Variants in COL5A1 observed in about 807,000 individuals in gnomAD.
COL5A1 encodes collagen alpha-1(V) chain.
A neutral mutation model predicts 263.7 loss-of-function variants in COL5A1; 16 were observed. The observed-to-expected ratio is 0.06, with a 90% confidence interval of 0.04 to 0.09. The LOEUF (loss-of-function observed/expected upper bound fraction) is 0.09, where lower values mean the gene tolerates loss of function less well. Among genes scored for constraint, COL5A1 ranks in the 10% least tolerant of loss-of-function variants. COL5A1 has a pLI of 1.00. For synonymous variants in COL5A1, 1,012 were observed against 1,004.5 expected (o/e 1.01, Z -0.14); for missense variants, 2,036 against 2,540.5 (o/e 0.80, Z 4.27).
intron 9 of COL5A1, 99 bp downstream of exon 9, chr9:134,732,226 C>T (rs979879050): frequency 4.0e-6 from 5 of 1,261,354 alleles, no homozygotes; most frequent in Non-Finnish European, 5.8e-6. Context: ...GGCCCCTGCA[C>T]CTGCGCGCAC....
intron 9 of COL5A1, 191 bp downstream of exon 9, chr9:134,732,318 A>AGG (rs1834918691): frequency 7.4e-6 from 5 of 679,680 alleles, no homozygotes; most frequent in Admixed American, 4.1e-5. Context: ...CCCCTTGGGT[A>AGG]GGGGATGTTC....
In COL5A1 at chr9:134,758,528, G is replaced by T. The variant is rs1012023507; in HGVS notation, c.1935+232G>T. Among the ~76,000 whole-genome samples, 2 of 152,164 alleles carry T rather than the reference G, an allele frequency of 1.3e-5. No homozygotes were observed. The highest frequency in any genetic ancestry group is 4.1e-4 in the South Asian group (2 of 4,830). ...ATTGGAGCTCTTATCTACAGTTTGT[G>T]ACAAGTGAGCCAGATGGGCCTACCC... On this transcript the variant is annotated intron_variant, in intron 18 of 65. Coordinates refer to ENST00000371817, the MANE Select transcript of COL5A1 (RefSeq NM_000093.5). This position sits in a 1 kb window ranked among gnomAD's most constrained non-coding sequence, Gnocchi z 4.1.
chr9:134,785,166 C>A, intron 30 of COL5A1, 70 bp downstream of exon 30: 3 of 1,302,420 alleles, frequency 2.3e-6, no homozygotes, highest in Non-Finnish European at 3.3e-6. Flanking sequence ...TGGCCTCGGG[C>A]TCCCGTTGGC....
At position 134,731,654 on chromosome 9, in the gene COL5A1, C is replaced by A. The variant is rs759729272; in HGVS notation, c.1323C>A (p.Ile441=). The A allele has an allele frequency of 6.2e-7, 1 of 1,613,272 alleles. No homozygotes were observed. Among genetic ancestry groups the A allele is most frequent in the South Asian group, 1.1e-5 (1 of 91,070 alleles). ...GAATGCCGGCGAACCAGGATACCAT[C>A]TATGAAGGGGTGAGAGGGTGCAGGC... ...GPGMPANQDT[I]YEGIGGPRGE... Residue 441 remains isoleucine (I), a synonymous_variant, in exon 8 of 66, where the codon ATC becomes ATA. Transcript: ENST00000371817.
At chr9:134,717,469 A>G (rs1336243828) in intron 4 of COL5A1, among the ~76,000 whole-genome samples, 2 of 152,244 alleles carry the variant, frequency 1.3e-5, no homozygotes, top group Non-Finnish European at 2.9e-5. Context: ...TCACTCAGCC[A>G]GCAAGGGGCA....
chr9:134,797,029 G>A (rs1181856633), intron 36 of COL5A1, 128 bp downstream of exon 36: 5 of 1,020,332 alleles, frequency 4.9e-6, no homozygotes, highest in Non-Finnish European at 7.6e-6. Context: ...TGGGTGGAGG[G>A]AGGCCCGAGG....
intron 1 of COL5A1, among the ~76,000 whole-genome samples, chr9:134,661,162 TG>T (rs1449518194): frequency 6.7e-6 from 1 of 150,100 alleles, no homozygotes; most frequent in East Asian, 2.0e-4. Context: ...TAGGGTGGCC[TG>T]GGGAGTTTGG....
At chr9:134,835,290 A>G (rs1247768948) in intron 65 of COL5A1, 86 bp downstream of exon 65, 1 of 1,257,024 alleles carries the variant, frequency 8.0e-7, no homozygotes, top group Non-Finnish European at 1.1e-6. Context: ...CCTGTCCCCA[A>G]GATGCCTGCC....
intron 4 of COL5A1, among the ~76,000 whole-genome samples, chr9:134,717,846 C>T (rs1034130334): frequency 3.3e-5 from 5 of 151,560 alleles, no homozygotes; most frequent in Admixed American, 6.6e-5. Context: ...GACCCTGTTT[C>T]GGTTGGACGA....
chr9:134,811,243 ATGCATCAGTCCC>A, intron 44 of COL5A1, 84 bp from the exon 45 acceptor site: 1 of 1,056,684 alleles, frequency 9.5e-7, no homozygotes, highest in East Asian at 2.4e-5. Context: ...ACGACGTTGG[ATGCATCAGTCCC>A]CGGGCTCAGG....
rs765189446 is a variant in COL5A1 at position 134,796,898 on chromosome 9, C to G, written c.2895C>G (p.Pro965=). 2.5e-5 allele frequency: 41 copies of G among 1,613,762 alleles called. No individual in the cohort carries two copies. The highest frequency in any genetic ancestry group is 3.3e-5 in the Non-Finnish European group (39 of 1,179,902). The change falls in exon 36 of 66, where the codon CCC becomes CCG. Residue 965 remains proline, a synonymous_variant. Coordinates refer to ENST00000371817, the MANE Select transcript of COL5A1 (RefSeq NM_000093.5). The part of the protein sequence containing the change: ...GPTGFPGPKG[P]PGPPGKDGLP... ...CAGGATTTCCTGGACCAAAGGGCCC[C>G]CCTGTAAGTAATGGCTTCCTTGCTG...
chr9:134,757,185 T>TGTG lies in COL5A1; in HGVS notation c.1881+369_1881+371dup, dbSNP rs1261516476. 7.2e-5 allele frequency among the ~76,000 whole-genome samples: 11 copies of TGTG among 152,022 alleles called. No individual in the cohort carries two copies. The highest frequency in any genetic ancestry group is 1.9e-4 in the African/African-American group (8 of 41,462). On this transcript the variant is annotated intron_variant, in intron 17 of 65. Coordinates refer to ENST00000371817, the MANE Select transcript of COL5A1 (RefSeq NM_000093.5). This position sits in a 1 kb window ranked among gnomAD's most constrained non-coding sequence, Gnocchi z 6.2. ...TTGTCCAGTCGGGACTCCTGGGTGT[T>TGTG]GTGGAGGTGAGTAGATGTTGCCCGT...
rs759246946 is a variant in COL5A1, at chr9:134,834,962, T to TC, written c.5137-3dup. 12 of 1,604,664 alleles carry TC rather than the reference T, an allele frequency of 7.5e-6. No homozygotes were observed. The South Asian group carries it at 7.7e-5, about 10-fold the overall frequency. ...ACCCTGCTGAGCCCCAACACCCCTG[T>TC]CCCCCCAGCTCTCCTATGTGGACGC... On this transcript the variant is annotated splice_polypyrimidine_tract_variant and intron_variant, in intron 64 of 65. Coordinates refer to ENST00000371817, the MANE Select transcript of COL5A1 (RefSeq NM_000093.5).
At chr9:134,763,774 G>T (rs947783940) in intron 20 of COL5A1, 37 bp downstream of exon 20, 3 of 1,603,166 alleles carry the variant, frequency 1.9e-6, no homozygotes. Context: ...TGGGGGCTCA[G>T]TGTGGAGAAA....
chr9:134,721,559 GT>G (rs998836286), intron 4 of COL5A1, among the ~76,000 whole-genome samples: 6 of 152,172 alleles, frequency 3.9e-5, no homozygotes, highest in African/African-American at 1.4e-4. Flanking sequence ...GGCCCCAGGG[GT>G]GGCCCAGGGC....
intron 39 of COL5A1, 57 bp downstream of exon 39, chr9:134,803,052 G>C (rs1474123458): frequency 2.8e-6 from 4 of 1,421,914 alleles, no homozygotes; most frequent in African/African-American, 1.4e-5. Context: ...ATCATTTTGG[G>C]ACTTTGTGTT....
In COL5A1 at chr9:134,680,942, G is replaced by A. The variant is rs981621549; in HGVS notation, c.110-9970G>A. On this transcript the variant is annotated intron_variant, in intron 1 of 65. Coordinates refer to ENST00000371817, the MANE Select transcript of COL5A1 (RefSeq NM_000093.5). The surrounding 1 kb of genome is among the most constrained non-coding windows in gnomAD (Gnocchi z 5.9). Reference sequence around the variant, plus strand: ...GGTCTCCGCCTGGCACTGCAGCCTCGGGGGGCAGCGGGAGAGGCCGGGCCA... The same window carrying A: ...GGTCTCCGCCTGGCACTGCAGCCTCAGGGGGCAGCGGGAGAGGCCGGGCCA... Among the ~76,000 whole-genome samples the A allele has an allele frequency of 1.1e-4, 17 of 152,252 alleles. No homozygotes were observed. Among genetic ancestry groups the A allele is most frequent in the Non-Finnish European group, 2.1e-4 (14 of 68,000 alleles).
intron 1 of COL5A1, among the ~76,000 whole-genome samples, chr9:134,658,582 A>G (rs1011597797): frequency 6.6e-6 from 1 of 152,122 alleles, no homozygotes; most frequent in African/African-American, 2.4e-5. Context: ...CCTAGCCCTC[A>G]AGCAGGATTT....
chr9:134,788,593 G>A (rs1837554140), intron 31 of COL5A1, among the ~76,000 whole-genome samples: 1 of 144,638 alleles, frequency 6.9e-6, no homozygotes, highest in Non-Finnish European at 1.5e-5. Flanking sequence ...GGGTGGGTAG[G>A]TGGATAGACA....
Sources: gnomAD v4.1 joint callset for allele counts (sites outside exome capture counted in the v4.1 genomes callset) on GRCh38, gnomAD v4.1.1 for gene constraint, Gnocchi (gnomAD v3.1) non-coding constraint, MANE v1.5 for transcripts, NCBI Gene and HGNC (gene_info 2026-07-23, HGNC 2026-07-21) for gene names.